FGF10: variants seen among roughly 807,000 people sequenced by gnomAD.
FGF10 encodes the protein FGF-10.
In FGF10, 2 loss-of-function variants were observed where a neutral mutation model predicts 19.8. That is an observed-to-expected ratio of 0.10 (90% CI 0.04 to 0.32). The LOEUF (loss-of-function observed/expected upper bound fraction) is 0.32, where lower values mean the gene tolerates loss of function less well. FGF10 is among the 10% of genes least tolerant of loss of function. The probability of loss-of-function intolerance (pLI) is 1.00; values close to 1 mark genes in which losing one functional copy is unlikely to be tolerated. For synonymous variants in FGF10, 112 were observed against 94.0 expected, an observed-to-expected ratio of 1.19 and a Z score of -1.10; for missense variants, 191 against 246.3, an observed-to-expected ratio of 0.78 and a Z score of 1.50.
intron 1 of FGF10, among the ~76,000 whole-genome samples, chr5:44,384,432 T>C (rs1742053848): frequency 6.6e-6 from 1 of 152,170 alleles, no homozygotes; most frequent in African/African-American, 2.4e-5. Context: ...TTTCTGCAAT[T>C]GTCATTTTAT....
intron 1 of FGF10, among the ~76,000 whole-genome samples, chr5:44,354,029 A>G (rs1336129735): frequency 6.6e-6 from 1 of 151,548 alleles, no homozygotes; most frequent in Non-Finnish European, 1.5e-5. Context: ...GATAGTGAAT[A>G]ATAAGCTATA....
At chr5:44,345,633 CAAAAA>C (rs199895920) in intron 1 of FGF10, among the ~76,000 whole-genome samples, 1 of 134,426 alleles carries the variant, frequency 7.4e-6, no homozygotes, top group African/African-American at 2.7e-5. Flanking sequence ...TTTCTCAGCT[CAAAAA>C]AAAAAAAAAA....
intron 1 of FGF10, among the ~76,000 whole-genome samples, chr5:44,348,113 C>T (rs1314813617): frequency 6.6e-6 from 1 of 151,586 alleles, no homozygotes; most frequent in Admixed American, 6.6e-5. Flanking sequence ...ATTCTACCTG[C>T]CATCTCTCTA....
rs2111915349 is a variant in FGF10, at chr5:44,379,885, T to A, written c.325+8473A>T. ...CTAGGGCCTCTTCTCTTTTTCTACT[T>A]TTCCCTCTGGCTTCTAAAAAATTTC... On this transcript the variant is annotated intron_variant, in intron 1 of 2. Coordinates refer to ENST00000264664, the MANE Select transcript of FGF10 (RefSeq NM_004465.2). Among the ~76,000 whole-genome samples, 2 of 152,324 alleles carry A rather than the reference T, an allele frequency of 1.3e-5. 1 individual carries two copies. The highest frequency in any genetic ancestry group is 6.8e-3 in the Middle Eastern group (2 of 294).
intron 1 of FGF10, among the ~76,000 whole-genome samples, chr5:44,337,677 C>G (rs1030921840): frequency 7.2e-5 from 11 of 152,168 alleles, no homozygotes; most frequent in Non-Finnish European, 1.6e-4. Flanking sequence ...CGTGGTGGCT[C>G]ACGCCTGTAA....
Position 44,388,592 on chromosome 5 carries a change from ACAC to A in FGF10, c.88_90del (p.Val30del). ...GCTTGGCAGGTGACAGGGACGGAAG[ACAC>A]CAAGAACAGCAACAAAAAGCAGCAG... On this transcript the variant is annotated inframe_deletion, in exon 1 of 3. Transcript: ENST00000264664. The A allele has an allele frequency of 6.2e-7, 1 of 1,614,120 alleles. No homozygotes were observed.
At chr5:44,358,200 T>A (rs1355169537) in intron 1 of FGF10, among the ~76,000 whole-genome samples, 2 of 151,470 alleles carry the variant, frequency 1.3e-5, no homozygotes, top group African/African-American at 2.4e-5. Context: ...AGGGAGAAGA[T>A]CTTTAACGTA....
intron 1 of FGF10, among the ~76,000 whole-genome samples, chr5:44,331,300 G>T (rs1467366420): frequency 3.3e-5 from 5 of 151,904 alleles, no homozygotes; most frequent in African/African-American, 1.2e-4. Context: ...TCACTTTGGA[G>T]CTTTGCTTAA....
Position 44,388,696 on chromosome 5 carries a change from T to G in FGF10, c.-14A>C, listed in dbSNP as rs746217648. 6.2e-7 allele frequency: 1 copy of G among 1,613,700 alleles called. No homozygotes were observed. Among genetic ancestry groups the G allele is most frequent in the East Asian group, 2.2e-5 (1 of 44,846 alleles). The stretch of plus-strand genomic sequence containing the variant: ...CCATTTCCACATTGTACTGAAACTC[T>G]CGGCACTGGAAATTGTCTCATCAGA... On this transcript the variant is annotated 5_prime_UTR_variant, in exon 1 of 3. Transcript: ENST00000264664.
chr5:44,346,205 C>T (rs887766650), intron 1 of FGF10, among the ~76,000 whole-genome samples: 1 of 151,750 alleles, frequency 6.6e-6, no homozygotes, highest in African/African-American at 2.4e-5. Flanking sequence ...AACATGAACA[C>T]TTACTTGTTC....
In FGF10 at chr5:44,345,300, TA is replaced by T. The variant is rs567898983; in HGVS notation, c.326-34771del. On this transcript the variant is annotated intron_variant, in intron 1 of 2. Coordinates refer to ENST00000264664, the MANE Select transcript of FGF10 (RefSeq NM_004465.2). The stretch of plus-strand genomic sequence containing the variant: ...AAGATACCTTGAGGAAAAAAATCAG[TA>T]AAATAAAACTGAACAAATAGAATTT... Among the ~76,000 whole-genome samples the T allele has an allele frequency of 4.0e-3, 614 of 151,922 alleles. 3 individuals are homozygous for T. Among genetic ancestry groups the T allele is most frequent in the African/African-American group, 0.013 (520 of 41,498 alleles).
At chr5:44,371,124 C>T (rs544861085) in intron 1 of FGF10, among the ~76,000 whole-genome samples, 17 of 152,150 alleles carry the variant, frequency 1.1e-4, no homozygotes, top group African/African-American at 4.1e-4. Flanking sequence ...TTCATGAATG[C>T]TCTGCCCTCA....
At chr5:44,379,865 G>A (rs980090926) in intron 1 of FGF10, among the ~76,000 whole-genome samples, 3 of 152,058 alleles carry the variant, frequency 2.0e-5, no homozygotes, top group African/African-American at 4.8e-5. Context: ...ACACTCTAGG[G>A]CCTCTTCTCT....
intron 1 of FGF10, among the ~76,000 whole-genome samples, chr5:44,378,892 T>C (rs542073055): frequency 5.3e-5 from 8 of 152,236 alleles, no homozygotes; most frequent in Admixed American, 1.3e-4. Context: ...TTTCTTCATA[T>C]AGTATCCTTT....
chr5:44,352,065 A>G lies in FGF10; in HGVS notation c.325+36293T>C, dbSNP rs150998834. ...TCAGTGATTCCATCTCAGACTAAGTAGGGCCAAAAATTAATTAGAAGCATA... is the reference window on the plus strand; with the variant it reads ...TCAGTGATTCCATCTCAGACTAAGTGGGGCCAAAAATTAATTAGAAGCATA... On this transcript the variant is annotated intron_variant, in intron 1 of 2. Transcript: ENST00000264664. 2.6e-3 allele frequency among the ~76,000 whole-genome samples: 392 copies of G among 151,752 alleles called. 2 individuals carry two copies. Among genetic ancestry groups the G allele is most frequent in the African/African-American group, 9.2e-3 (381 of 41,486 alleles).
chr5:44,342,521 A>T (rs1740993332), intron 1 of FGF10, among the ~76,000 whole-genome samples: 1 of 151,852 alleles, frequency 6.6e-6, no homozygotes, highest in Non-Finnish European at 1.5e-5. Context: ...GGAAAAAAAA[A>T]AAAACTAACC....
At chr5:44,324,665 A>G (rs1740571109) in intron 1 of FGF10, among the ~76,000 whole-genome samples, 1 of 152,170 alleles carries the variant, frequency 6.6e-6, no homozygotes, top group South Asian at 2.1e-4. Context: ...AAAATAATTT[A>G]TAATAATGCA....
chr5:44,341,287 T>C (rs1179639021), intron 1 of FGF10, among the ~76,000 whole-genome samples: 1 of 151,952 alleles, frequency 6.6e-6, no homozygotes, highest in Non-Finnish European at 1.5e-5. Flanking sequence ...GAATGCTGCA[T>C]TGGATAAAAA....
At chr5:44,311,404 G>A (rs1160250183) in intron 1 of FGF10, among the ~76,000 whole-genome samples, 3 of 152,022 alleles carry the variant, frequency 2.0e-5, no homozygotes, top group African/African-American at 4.8e-5. Context: ...ATAACTCTCA[G>A]CAGTTTGTTC....
Sources: gnomAD v4.1 joint callset for allele counts (sites outside exome capture counted in the v4.1 genomes callset) on GRCh38, gnomAD v4.1.1 for gene constraint, MANE v1.5 for transcripts, NCBI Gene and HGNC (gene_info 2026-07-23, HGNC 2026-07-21) for gene names.